Variants in HLCS observed in about 807,000 individuals in gnomAD.
HLCS encodes biotin--protein ligase.
A neutral mutation model predicts 75.0 loss-of-function variants in HLCS; 53 were observed. That is an observed-to-expected ratio of 0.71 (90% CI 0.57 to 0.89). The LOEUF (loss-of-function observed/expected upper bound fraction) is 0.89, where lower values mean the gene tolerates loss of function less well. HLCS is among the 40% of genes least tolerant of loss of function. HLCS has a pLI of 0.00. For synonymous variants in HLCS, 431 were observed against 428.6 expected (o/e 1.01, Z -0.07); for missense variants, 966 against 1,074.0 (o/e 0.90, Z 1.41).
intron 5 of HLCS, among the ~76,000 whole-genome samples, chr21:36,921,932 C>A (rs897652429): frequency 2.0e-5 from 3 of 152,212 alleles, no homozygotes; most frequent in Non-Finnish European, 2.9e-5. Flanking sequence ...AAGGCACGTT[C>A]TATCTCAGCA....
At chr21:36,898,056 CTT>C (rs2065083714) in intron 5 of HLCS, among the ~76,000 whole-genome samples, 1 of 152,184 alleles carries the variant, frequency 6.6e-6, no homozygotes, top group Admixed American at 6.5e-5. Context: ...AGAGATGAAA[CTT>C]AATTCAACTA....
At chr21:36,813,752 T>C (rs2061579296) in intron 6 of HLCS, among the ~76,000 whole-genome samples, 1 of 152,154 alleles carries the variant, frequency 6.6e-6, no homozygotes, top group Admixed American at 6.5e-5. Context: ...TTCGTCAAAC[T>C]CCATCATCTG....
Position 36,897,102 on chromosome 21 carries a change from A to G in HLCS, c.1650T>C (p.Leu550=). 6.2e-7 allele frequency: 1 copy of G among 1,614,174 alleles called. No homozygotes were observed. Among genetic ancestry groups the G allele is most frequent in the Non-Finnish European group, 8.5e-7 (1 of 1,180,026 alleles). ...EEIRDPLMQW[L]GKHVDSEGEI... is the part of the protein sequence containing the mutation. ...CTCCCTCGGAGTCCACATGTTTCCC[A>G]AGCCACTGCATAAGAGGATCCCTGA... Residue 550 remains leucine (L), a synonymous_variant, in exon 6 of 11, where the codon CTT becomes CTC. Coordinates refer to ENST00000674895, the MANE Select transcript of HLCS (RefSeq NM_001352514.2).
At chr21:36,931,964 C>T (rs1386807012) in intron 4 of HLCS, among the ~76,000 whole-genome samples, 1 of 152,102 alleles carries the variant, frequency 6.6e-6, no homozygotes, top group Admixed American at 6.6e-5. Context: ...CCAAGCTGTG[C>T]ACATTAGGTG....
chr21:36,939,910 G>A (rs370000036), intron 2 of HLCS, among the ~76,000 whole-genome samples: 4 of 152,154 alleles, frequency 2.6e-5, no homozygotes, highest in African/African-American at 9.7e-5. Context: ...TTAGCCGGGC[G>A]TGGTGTCGCA....
chr21:36,783,387 C>T (rs988429623), intron 6 of HLCS, among the ~76,000 whole-genome samples: 50 of 152,176 alleles, frequency 3.3e-4, no homozygotes, highest in Non-Finnish European at 1.3e-4. Context: ...TTTAAAACTA[C>T]ATTTCTTTTA....
intron 6 of HLCS, among the ~76,000 whole-genome samples, chr21:36,833,746 G>A (rs2062301862): frequency 6.6e-6 from 1 of 152,076 alleles, no homozygotes; most frequent in Admixed American, 6.5e-5. Context: ...CAGATAAAAT[G>A]AAGAAGTTCA....
intron 6 of HLCS, among the ~76,000 whole-genome samples, chr21:36,888,367 G>A (rs1443066993): frequency 6.9e-6 from 1 of 144,320 alleles, no homozygotes; most frequent in Non-Finnish European, 1.5e-5. Context: ...CTCTGAAATC[G>A]AAATACTATC....
At chr21:36,865,483 T>C (rs1007693708) in intron 6 of HLCS, among the ~76,000 whole-genome samples, 6 of 152,012 alleles carry the variant, frequency 3.9e-5, no homozygotes, top group African/African-American at 1.5e-4. Flanking sequence ...CTCTATAAAT[T>C]AGAACTCTGT....
At chr21:36,852,049 T>A (rs2063026435) in intron 6 of HLCS, 2 of 152,222 alleles carry the variant, frequency 1.3e-5, no homozygotes, top group African/African-American at 4.8e-5. Flanking sequence ...TAAGTCTAAG[T>A]AATTTAAAGA....
Position 36,966,506 on chromosome 21 carries a change from G to C in HLCS, c.133C>G (p.Pro45Ala). 1 of 986,652 alleles carries C rather than the reference G, an allele frequency of 1.0e-6. No homozygotes were observed. The highest frequency in any genetic ancestry group is 1.2e-6 in the Non-Finnish European group (1 of 831,556). 61.1% of individuals were successfully genotyped at this position (986,652 alleles called of 1,614,324 possible). ...CTCAGGCACACGCGGGCGCCCGGGG[G>C]CTGCGCGGCCGCGCCGCAGAAGGTG... ...SFTFCGAAAQ[P>A]PGARVCLSRG... The change falls in exon 1 of 11, where the codon CCC (proline) becomes GCC (alanine). Residue 45 changes from proline (P) to alanine (A), a missense_variant. Pro to Ala is a conservative substitution (Grantham distance 27). Transcript: ENST00000674895.
intron 6 of HLCS, among the ~76,000 whole-genome samples, chr21:36,852,331 T>C (rs186083540): frequency 2.8e-4 from 43 of 152,340 alleles, no homozygotes; most frequent in Admixed American, 2.6e-3. Context: ...ATAAGCTGGA[T>C]TACCTGAACA....
intron 2 of HLCS, among the ~76,000 whole-genome samples, chr21:36,943,111 C>T (rs1028395484): frequency 6.6e-6 from 1 of 152,128 alleles, no homozygotes; most frequent in Admixed American, 6.5e-5. Flanking sequence ...AACTCTAATA[C>T]ACTGCTGGTA....
chr21:36,809,162 C>T (rs188050436), intron 6 of HLCS, among the ~76,000 whole-genome samples: 24 of 151,786 alleles, frequency 1.6e-4, no homozygotes, highest in South Asian at 8.4e-4. Flanking sequence ...TGCAGTGAGC[C>T]GACATCATGC....
At position 36,751,911 on chromosome 21, in the gene HLCS, T is replaced by C. The variant is rs1741002293; in HGVS notation, c.*2335A>G. ...GCCAATCCTGAGTTTAGTGACCACA[T>C]TTTAAAGATCATCAGGAAAATGCCA... On this transcript the variant is annotated 3_prime_UTR_variant, in exon 11 of 11. Coordinates refer to ENST00000674895, the MANE Select transcript of HLCS (RefSeq NM_001352514.2). 6.6e-6 allele frequency: 1 copy of C among 152,240 alleles called. No individual in the cohort carries two copies. Among genetic ancestry groups the C allele is most frequent in the South Asian group, 2.1e-4 (1 of 4,828 alleles). 9.4% of individuals were successfully genotyped at this position (152,240 alleles called of 1,614,324 possible). A position where few individuals can be genotyped will look rare whatever the true frequency, so the allele number is the denominator to read the frequency against.
chr21:36,872,271 A>C (rs569806258), intron 6 of HLCS, among the ~76,000 whole-genome samples: 43 of 152,026 alleles, frequency 2.8e-4, no homozygotes, highest in African/African-American at 1.0e-3. Flanking sequence ...AAATACAAAA[A>C]AATTAGCCAG....
chr21:36,900,989 G>A (rs935481116), intron 5 of HLCS, among the ~76,000 whole-genome samples: 17 of 152,100 alleles, frequency 1.1e-4, no homozygotes, highest in African/African-American at 2.9e-4. Context: ...GGCTGGGCGC[G>A]GTGGCTCACA....
At chr21:36,869,429 G>A (rs1226921638) in intron 6 of HLCS, among the ~76,000 whole-genome samples, 1 of 152,124 alleles carries the variant, frequency 6.6e-6, no homozygotes, top group East Asian at 1.9e-4. Context: ...ACCGTGCCCA[G>A]CCCAAACGAT....
intron 6 of HLCS, among the ~76,000 whole-genome samples, chr21:36,832,410 A>G (rs1166684685): frequency 6.6e-6 from 1 of 152,200 alleles, no homozygotes; most frequent in East Asian, 1.9e-4. Flanking sequence ...TCTCTTTAAC[A>G]TGAGACTCAG....
Sources: gnomAD v4.1 joint callset for allele counts (sites outside exome capture counted in the v4.1 genomes callset) on GRCh38, gnomAD v4.1.1 for gene constraint, MANE v1.5 for transcripts, NCBI Gene and HGNC (gene_info 2026-07-23, HGNC 2026-07-21) for gene names.